Variants in ZNF385D observed in about 807,000 individuals in gnomAD.
ZNF385D encodes the protein zinc finger protein 385D, also known as zinc finger protein 659.
ZNF385D carries 15 observed loss-of-function variants against 35.8 expected under a neutral mutation model. The observed-to-expected ratio is 0.42, with a 90% CI of 0.28 to 0.64. The LOEUF (loss-of-function observed/expected upper bound fraction) is 0.64. Ranked by LOEUF, ZNF385D falls within the 30% of genes least tolerant of loss-of-function variation. The pLI, the probability that ZNF385D is intolerant of heterozygous loss-of-function variation, is 0.23. For missense variants in ZNF385D, 474 were observed against 494.6 expected, an observed-to-expected ratio of 0.96 and a Z score of 0.39; for synonymous variants, 212 against 186.8, an observed-to-expected ratio of 1.13 and a Z score of -1.10.
chr3:22,133,087 A>C (rs923893039), intron 3 of ZNF385D, among the ~76,000 whole-genome samples: 3 of 152,202 alleles, frequency 2.0e-5, no homozygotes. Context: ...ATGAAAGTGC[A>C]GCTAATTTAT....
At chr3:21,670,136 C>CAT (rs997863968) in intron 1 of ZNF385D, among the ~76,000 whole-genome samples, 2 of 152,038 alleles carry the variant, frequency 1.3e-5, no homozygotes, top group Non-Finnish European at 2.9e-5. Flanking sequence ...ATCATTAAAA[C>CAT]ATATATATAT....
intron 2 of ZNF385D, among the ~76,000 whole-genome samples, chr3:22,284,959 C>A (rs1701950979): frequency 6.6e-6 from 1 of 151,850 alleles, no homozygotes. Context: ...GTGGAAGGAT[C>A]AAGATGTGAA....
At chr3:22,316,885 T>A (rs761612464) in intron 2 of ZNF385D, among the ~76,000 whole-genome samples, 1 of 152,072 alleles carries the variant, frequency 6.6e-6, no homozygotes, top group Non-Finnish European at 1.5e-5. Context: ...AAAATCAAGG[T>A]CTCTCTAACC....
At chr3:21,693,927 G>A (rs1262578470) in intron 1 of ZNF385D, among the ~76,000 whole-genome samples, 3 of 142,910 alleles carry the variant, frequency 2.1e-5, no homozygotes, top group African/African-American at 7.8e-5. Flanking sequence ...CACCCAGGCT[G>A]GAGTGCAGTT....
At chr3:21,540,660 A>T (rs1483633621) in intron 3 of ZNF385D, among the ~76,000 whole-genome samples, 1 of 152,210 alleles carries the variant, frequency 6.6e-6, no homozygotes, top group Non-Finnish European at 1.5e-5. Flanking sequence ...GATAAACCTG[A>T]TAAGAATAAT....
intron 3 of ZNF385D, among the ~76,000 whole-genome samples, chr3:22,158,983 A>G (rs1251180241): frequency 6.6e-6 from 1 of 152,108 alleles, no homozygotes; most frequent in Admixed American, 6.6e-5. Flanking sequence ...AAACCTAGAA[A>G]AGCAGAGGAG....
chr3:22,231,082 A>G (rs1325258111), intron 2 of ZNF385D, among the ~76,000 whole-genome samples: 1 of 152,184 alleles, frequency 6.6e-6, no homozygotes, highest in East Asian at 1.9e-4. Flanking sequence ...TGTGAGTGCC[A>G]ACTCTTAAAT....
intron 2 of ZNF385D, among the ~76,000 whole-genome samples, chr3:22,252,930 G>T (rs1046845563): frequency 1.3e-5 from 2 of 152,064 alleles, no homozygotes; most frequent in Admixed American, 6.6e-5. Context: ...TTATCCTATA[G>T]GCATCAAGAA....
intron 2 of ZNF385D, among the ~76,000 whole-genome samples, chr3:22,303,818 C>T (rs1179945382): frequency 2.0e-5 from 3 of 151,754 alleles, no homozygotes; most frequent in Non-Finnish European, 4.4e-5. Context: ...GCTCTTGTTG[C>T]CCAGGATAGA....
rs1700595629 is a variant in ZNF385D at position 21,418,206 on chromosome 3, G to A, written c.*3008C>T. On this transcript the variant is annotated 3_prime_UTR_variant, in exon 8 of 8. Transcript: ENST00000281523. Reference sequence around the variant, plus strand: ...ATCACTTTCCTTGCCATGGTGTGATGCATGGGAAGGAATGTAAAACCATAA... The same window carrying A: ...ATCACTTTCCTTGCCATGGTGTGATACATGGGAAGGAATGTAAAACCATAA... 6.6e-6 allele frequency: 1 copy of A among 152,156 alleles called. No homozygotes were observed. Among genetic ancestry groups the A allele is most frequent in the South Asian group, 2.1e-4 (1 of 4,838 alleles). The allele number at this position is 152,156 out of a possible 1,614,324, so 9.4% of individuals were successfully genotyped here.
intron 2 of ZNF385D, among the ~76,000 whole-genome samples, chr3:22,356,015 C>T (rs1326858432): frequency 6.6e-6 from 1 of 151,948 alleles, no homozygotes; most frequent in African/African-American, 2.4e-5. Context: ...CAATTACTTT[C>T]CAAAGATCCA....
chr3:21,723,105 G>C lies in ZNF385D; in HGVS notation c.22+27790C>G, dbSNP rs371377513. 1.6e-4 allele frequency among the ~76,000 whole-genome samples: 25 copies of C among 152,256 alleles called. 1 individual carries two copies. In the South Asian group the frequency reaches 5.2e-3, roughly 32 times the overall value. On this transcript the variant is annotated intron_variant, in intron 1 of 7. Coordinates refer to ENST00000281523, the MANE Select transcript of ZNF385D (RefSeq NM_024697.3). ...TAAAAAACAAAGGAAAGCTAACAAA[G>C]AGAAAGGAAGAGCATGTCCACTCAG...
chr3:21,872,690 A>G (rs1305274093), intron 3 of ZNF385D, among the ~76,000 whole-genome samples: 1 of 152,148 alleles, frequency 6.6e-6, no homozygotes, highest in Non-Finnish European at 1.5e-5. Context: ...GCCTGAAAGA[A>G]ATAGAGTTTG....
At chr3:21,936,850 G>A (rs1235639461) in intron 3 of ZNF385D, among the ~76,000 whole-genome samples, 2 of 152,038 alleles carry the variant, frequency 1.3e-5, no homozygotes, top group African/African-American at 2.4e-5. Flanking sequence ...AACTTCCTGG[G>A]CTTTTATTAG....
intron 3 of ZNF385D, among the ~76,000 whole-genome samples, chr3:21,895,084 T>C (rs1014136396): frequency 3.3e-5 from 5 of 151,830 alleles, no homozygotes; most frequent in South Asian, 2.1e-4. Context: ...GAATCTGTGG[T>C]GTGGAAAAGA....
At chr3:22,124,269 T>C (rs1703295407) in intron 3 of ZNF385D, among the ~76,000 whole-genome samples, 1 of 152,144 alleles carries the variant, frequency 6.6e-6, no homozygotes, top group African/African-American at 2.4e-5. Flanking sequence ...TCATTCTTTG[T>C]AATGGCTGAA....
chr3:22,123,352 T>C (rs181017537), intron 3 of ZNF385D, among the ~76,000 whole-genome samples: 215 of 152,272 alleles, frequency 1.4e-3, no homozygotes, highest in African/African-American at 4.9e-3. Flanking sequence ...GGGTACATGG[T>C]AGATGTATAT....
At chr3:21,834,213 G>A (rs963081858) in intron 3 of ZNF385D, among the ~76,000 whole-genome samples, 1 of 152,036 alleles carries the variant, frequency 6.6e-6, no homozygotes, top group Non-Finnish European at 1.5e-5. Context: ...CTTTTCTGAA[G>A]TATCCTAGTT....
At chr3:22,281,879 T>A (rs980460725) in intron 2 of ZNF385D, among the ~76,000 whole-genome samples, 1 of 139,930 alleles carries the variant, frequency 7.1e-6, no homozygotes, top group Non-Finnish European at 1.6e-5. Context: ...GAACATTTTT[T>A]GTTGGTGGTG....
Sources: gnomAD v4.1 joint callset for allele counts (sites outside exome capture counted in the v4.1 genomes callset) on GRCh38, gnomAD v4.1.1 for gene constraint, MANE v1.5 for transcripts, NCBI Gene and HGNC (gene_info 2026-07-23, HGNC 2026-07-21) for gene names.